The following ATG10 variants were observed in gnomAD, a reference collection of about 807,000 sequenced individuals.
The protein encoded by ATG10 is autophagy related 10.
Under a neutral mutation model 32.1 loss-of-function variants are expected in ATG10, and 30 were observed. The ratio of observed to expected loss-of-function variants is 0.94; its 90% CI spans 0.70 to 1.27. The LOEUF is 1.27. Among genes scored for constraint, ATG10 ranks in the 50% most tolerant of loss-of-function variants. The pLI is 0.00. For synonymous variants in ATG10, 87 were observed against 91.5 expected (o/e 0.95, Z 0.28); for missense variants, 233 against 262.3 (o/e 0.89, Z 0.77).
chr5:82,069,453 C>A (rs1423793459), intron 3 of ATG10, among the ~76,000 whole-genome samples: 1 of 152,138 alleles, frequency 6.6e-6, no homozygotes, highest in African/African-American at 2.4e-5. Context: ...ATTAAAAATG[C>A]AGATGAATTA....
At chr5:82,225,070 C>T (rs1746068699) in intron 5 of ATG10, among the ~76,000 whole-genome samples, 1 of 152,196 alleles carries the variant, frequency 6.6e-6, no homozygotes, top group Non-Finnish European at 1.5e-5. Flanking sequence ...TTTTGGTGCT[C>T]CTGTTCTGCA....
chr5:82,081,182 T>A (rs1764466973), intron 3 of ATG10, among the ~76,000 whole-genome samples: 1 of 152,250 alleles, frequency 6.6e-6, no homozygotes, highest in Non-Finnish European at 1.5e-5. Context: ...TGTATAAGAA[T>A]GCTTGTGATT....
chr5:81,993,360 C>CTTCTTTCTTTCTTTCTT lies in ATG10; in HGVS notation c.108+5688_108+5689insCTTTCTTTCTTTTCTTT, dbSNP rs1389776064. ...CCTTCTTTCTTTCTTTCTTTCTTTC[C>CTTCTTTCTTTCTTTCTT]TTCTTTTCTTTTCTTTTCTTTTCTT... On this transcript the variant is annotated intron_variant, in intron 2 of 7. Coordinates refer to ENST00000282185, the MANE Select transcript of ATG10 (RefSeq NM_031482.5). Among the ~76,000 whole-genome samples the CTTCTTTCTTTCTTTCTT allele has an allele frequency of 2.5e-3, 119 of 46,792 alleles. 4 individuals carry two copies. The highest frequency in any genetic ancestry group is 9.9e-3 in the African/African-American group (109 of 11,008). The allele number at this position is 46,792 out of a possible 152,430, so 30.7% of individuals were successfully genotyped here. A position where few individuals can be genotyped will look rare whatever the true frequency, so the allele number is the denominator to read the frequency against.
chr5:82,080,631 A>G (rs1249256301), intron 3 of ATG10, among the ~76,000 whole-genome samples: 1 of 152,118 alleles, frequency 6.6e-6, no homozygotes, highest in Non-Finnish European at 1.5e-5. Context: ...TCCTTTCCCC[A>G]TTGCTTGTTT....
At chr5:82,115,538 G>A (rs996836383) in intron 3 of ATG10, among the ~76,000 whole-genome samples, 1 of 151,956 alleles carries the variant, frequency 6.6e-6, no homozygotes, top group Non-Finnish European at 1.5e-5. Context: ...ATACAGTCTC[G>A]CCTTTTGACC....
chr5:82,096,889 CCTGT>C (rs1765085057), intron 3 of ATG10, among the ~76,000 whole-genome samples: 2 of 152,100 alleles, frequency 1.3e-5, no homozygotes, highest in African/African-American at 4.8e-5. Context: ...AATAATATCT[CCTGT>C]CTTTCAATTA....
chr5:82,019,802 C>T (rs931148368), intron 2 of ATG10, among the ~76,000 whole-genome samples: 1 of 152,194 alleles, frequency 6.6e-6, no homozygotes, highest in Non-Finnish European at 1.5e-5. Context: ...AGCAGAGGTA[C>T]AGGGAGTTGA....
chr5:82,153,893 A>G (rs1041309769), intron 3 of ATG10, among the ~76,000 whole-genome samples: 1 of 145,414 alleles, frequency 6.9e-6, no homozygotes, highest in Non-Finnish European at 1.5e-5. Context: ...GACGATGGCA[A>G]CTGTGGCCTG....
chr5:82,113,247 C>CA (rs964962380), intron 3 of ATG10, among the ~76,000 whole-genome samples: 2 of 151,772 alleles, frequency 1.3e-5, no homozygotes, highest in Non-Finnish European at 2.9e-5. Flanking sequence ...TGTAGCTTGC[C>CA]AAAGAGCATG....
At chr5:82,017,088 G>A (rs1032633988) in intron 2 of ATG10, among the ~76,000 whole-genome samples, 4 of 151,202 alleles carry the variant, frequency 2.6e-5, no homozygotes, top group African/African-American at 9.7e-5. Flanking sequence ...TCTCAGCAGT[G>A]TTTTATAGTT....
chr5:82,023,826 A>G (rs1468641756), intron 2 of ATG10, among the ~76,000 whole-genome samples: 1 of 152,224 alleles, frequency 6.6e-6, no homozygotes, highest in African/African-American at 2.4e-5. Context: ...GAAAACAGTC[A>G]AAGCCGTAAA....
chr5:82,211,330 A>G (rs1745484167), intron 5 of ATG10, among the ~76,000 whole-genome samples: 1 of 152,166 alleles, frequency 6.6e-6, no homozygotes, highest in Non-Finnish European at 1.5e-5. Context: ...TATTTCTTAT[A>G]TATAATCTAC....
At chr5:81,983,855 A>C (rs937231707) in intron 1 of ATG10, among the ~76,000 whole-genome samples, 1 of 144,974 alleles carries the variant, frequency 6.9e-6, no homozygotes, top group Non-Finnish European at 1.5e-5. Flanking sequence ...CGCTCCTCAC[A>C]TCCCAGACGG....
intron 5 of ATG10, among the ~76,000 whole-genome samples, chr5:82,234,373 AC>A (rs1290544738): frequency 6.6e-6 from 1 of 152,060 alleles, no homozygotes; most frequent in Non-Finnish European, 1.5e-5. Flanking sequence ...ATCAGGGCCC[AC>A]CCTGCAGAAG....
chr5:82,168,560 T>C (rs1427246571), intron 4 of ATG10, among the ~76,000 whole-genome samples: 2 of 152,222 alleles, frequency 1.3e-5, no homozygotes, highest in South Asian at 4.1e-4. Context: ...AGCAAAGGAA[T>C]GGCTGTCCTT....
chr5:82,029,907 T>C (rs1762697874), intron 2 of ATG10, among the ~76,000 whole-genome samples: 1 of 152,202 alleles, frequency 6.6e-6, no homozygotes, highest in South Asian at 2.1e-4. Flanking sequence ...CCAATTATAA[T>C]TCACATTGGT....
chr5:82,242,624 C>G (rs184049620), intron 5 of ATG10, among the ~76,000 whole-genome samples: 5 of 152,180 alleles, frequency 3.3e-5, no homozygotes, highest in Admixed American at 3.3e-4. Context: ...GACAATTAGA[C>G]TGATAGTCGA....
intron 3 of ATG10, among the ~76,000 whole-genome samples, chr5:82,080,079 C>G (rs1250123069): frequency 1.3e-5 from 2 of 152,190 alleles, no homozygotes; most frequent in Admixed American, 1.3e-4. Flanking sequence ...GAGATGGTAT[C>G]TCATTGTGGT....
chr5:82,213,828 C>T (rs924575782), intron 5 of ATG10, among the ~76,000 whole-genome samples: 1 of 152,212 alleles, frequency 6.6e-6, no homozygotes, highest in East Asian at 1.9e-4. Flanking sequence ...GCTATGGGAG[C>T]ACTGCCTAAG....
Sources: gnomAD v4.1 joint callset for allele counts (sites outside exome capture counted in the v4.1 genomes callset) on GRCh38, gnomAD v4.1.1 for gene constraint, MANE v1.5 for transcripts, NCBI Gene and HGNC (gene_info 2026-07-23, HGNC 2026-07-21) for gene names.